PGM1: variants seen among roughly 807,000 people sequenced by gnomAD.
PGM1 encodes phosphoglucomutase-1.
A neutral mutation model predicts 55.6 loss-of-function variants in PGM1; 52 were observed. The ratio of observed to expected loss-of-function variants is 0.94; its 90% CI spans 0.75 to 1.18. The LOEUF (loss-of-function observed/expected upper bound fraction) is 1.18, where lower values mean the gene tolerates loss of function less well. Among genes scored for constraint, PGM1 ranks in the 50% most tolerant of loss-of-function variants. PGM1 has a pLI of 0.00. For missense variants in PGM1, 724 were observed against 729.3 expected (o/e 0.99, Z 0.08); for synonymous variants, 287 against 271.7 (o/e 1.06, Z -0.55).
At chr1:63,598,173 C>T (rs1395648134) in intron 1 of PGM1, among the ~76,000 whole-genome samples, 1 of 152,092 alleles carries the variant, frequency 6.6e-6, no homozygotes, top group African/African-American at 2.4e-5. Flanking sequence ...GGGGTTTCAC[C>T]AAGTTGCCCA....
intron 6 of PGM1, among the ~76,000 whole-genome samples, chr1:63,638,241 C>T (rs1030429349): frequency 6.6e-6 from 1 of 152,176 alleles, no homozygotes; most frequent in African/African-American, 2.4e-5. Context: ...TGTCTGATCA[C>T]ATAACATTCT....
intron 7 of PGM1, among the ~76,000 whole-genome samples, chr1:63,639,273 G>A (rs1409652648): frequency 6.6e-6 from 1 of 152,140 alleles, no homozygotes; most frequent in Non-Finnish European, 1.5e-5. Flanking sequence ...CTAAATGAAG[G>A]AAGACCATGA....
intron 10 of PGM1, among the ~76,000 whole-genome samples, chr1:63,658,507 C>G (rs1451611048): frequency 6.6e-6 from 1 of 151,616 alleles, no homozygotes; most frequent in Non-Finnish European, 1.5e-5. Flanking sequence ...AATCCCAACA[C>G]TTTGGGAGGC....
In PGM1 at chr1:63,658,422, G is replaced by T. The variant is rs575780105; in HGVS notation, c.1600-1164G>T. Among the ~76,000 whole-genome samples the T allele has an allele frequency of 4.9e-5, 7 of 143,884 alleles. No homozygotes were observed. In the East Asian group the frequency reaches 1.4e-3, roughly 29 times the overall value. The allele number at this position is 143,884 out of a possible 152,430, so 94.4% of individuals were successfully genotyped here. ...CTTTTTTTTTTTTTTCTTTAAGCGA[G>T]AAGTAGATGTGGGGAGGGGTTGTTG... On this transcript the variant is annotated intron_variant, in intron 10 of 10. Transcript: ENST00000371084.
At position 63,629,404 on chromosome 1, in the gene PGM1, GT is replaced by G; in HGVS notation, c.247-19del. The G allele has an allele frequency of 6.2e-7, 1 of 1,610,210 alleles. No homozygotes were observed. Among genetic ancestry groups the G allele is most frequent in the African/African-American group, 1.3e-5 (1 of 74,892 alleles). On this transcript the variant is annotated intron_variant, in intron 1 of 10. Transcript: ENST00000371084. ...TGGATGTATTGATGTTAAAGAGTGT[GT>G]TCTGGATTTCTTCTCCTAGATCGGT...
chr1:63,636,467 C>T (rs895667910), intron 6 of PGM1, 79 bp downstream of exon 6: 68 of 1,375,784 alleles, frequency 4.9e-5, no homozygotes, highest in Non-Finnish European at 6.2e-5. Flanking sequence ...GCCTGGAACA[C>T]GTGTCCTTCC....
chr1:63,651,766 T>G lies in PGM1; in HGVS notation c.1378T>G (p.Ser460Ala). Residue 460 changes from serine (S) to alanine (A), a missense_variant, in exon 9 of 11, where the codon TCA becomes GCA. Ser to Ala is a moderately conservative substitution (Grantham distance 99). Coordinates refer to ENST00000371084, the MANE Select transcript of PGM1 (RefSeq NM_002633.3). ...TCGCTCCTTTGTGGGGAAGCAGTTC[T>G]CAGCAAATGACAAAGTTTACACTGT... ...FDRSFVGKQF[S>A]ANDKVYTVEK... 5.0e-6 allele frequency: 8 copies of G among 1,613,942 alleles called. No individual in the cohort carries two copies. Among genetic ancestry groups the G allele is most frequent in the Non-Finnish European group, 6.8e-6 (8 of 1,179,870 alleles).
In PGM1 at chr1:63,634,908, G is replaced by A; in HGVS notation, c.762G>A (p.Leu254=). 1 of 1,613,934 alleles carries A rather than the reference G, an allele frequency of 6.2e-7. No individual in the cohort carries two copies. The highest frequency in any genetic ancestry group is 8.5e-7 in the Non-Finnish European group (1 of 1,179,956). The stretch of plus-strand genomic sequence containing the variant: ...ACTCGGCAGTTAACTGCGTTCCTCT[G>A]GAGGACTTTGGAGGCCACCACCCTG... ...PANSAVNCVP[L]EDFGGHHPDP... Residue 254 remains leucine, a synonymous_variant, in exon 5 of 11, where the codon CTG becomes CTA. Coordinates refer to ENST00000371084, the MANE Select transcript of PGM1 (RefSeq NM_002633.3).
intron 1 of PGM1, among the ~76,000 whole-genome samples, chr1:63,628,284 C>A (rs1649092207): frequency 6.6e-6 from 1 of 152,070 alleles, no homozygotes; most frequent in Admixed American, 6.6e-5. Context: ...AGGATATAAC[C>A]AATATATTAG....
rs1252934422 is a variant in PGM1, at chr1:63,627,063, C to CACA, written c.247-2362_247-2361insACA. On this transcript the variant is annotated intron_variant, in intron 1 of 10. Transcript: ENST00000371084. ...GTGGCATATGGCAGGACCCCCCCCC[C>CACA]CCCACACACACACACACTTTTAAGG... Among the ~76,000 whole-genome samples the CACA allele has an allele frequency of 1.0e-3, 130 of 125,214 alleles. 1 individual carries two copies. The highest frequency in any genetic ancestry group is 4.1e-3 in the African/African-American group (126 of 30,900). The allele number at this position is 125,214 out of a possible 152,430, so 82.1% of individuals were successfully genotyped here.
At chr1:63,635,824 T>C (rs1422245698) in intron 5 of PGM1, among the ~76,000 whole-genome samples, 6 of 152,182 alleles carry the variant, frequency 3.9e-5, no homozygotes, top group Non-Finnish European at 8.8e-5. Flanking sequence ...CAGACTGTGG[T>C]ACACAGTTTA....
intron 1 of PGM1, among the ~76,000 whole-genome samples, chr1:63,613,531 C>T (rs2100968739): frequency 6.6e-6 from 1 of 151,994 alleles, no homozygotes; most frequent in East Asian, 1.9e-4. Flanking sequence ...GGCATTCTTC[C>T]CTATGTATCT....
Position 63,615,510 on chromosome 1 carries a change from CAGA to C in PGM1, c.247-13913_247-13911del, listed in dbSNP as rs199578011. On this transcript the variant is annotated intron_variant, in intron 1 of 10. Transcript: ENST00000371084. ...AAAATGATCTTAATAATGAGACAGA[CAGA>C]AAATAACCTCACCATTTCTCTCCTC... 5.2e-4 allele frequency among the ~76,000 whole-genome samples: 74 copies of C among 141,832 alleles called. No individual in the cohort carries two copies. The East Asian group carries it at 0.016, about 31-fold the overall frequency. 93.0% of individuals were successfully genotyped at this position (141,832 alleles called of 152,430 possible).
At chr1:63,643,330 T>C (rs1269589905) in intron 7 of PGM1, among the ~76,000 whole-genome samples, 1 of 152,260 alleles carries the variant, frequency 6.6e-6, no homozygotes, top group Non-Finnish European at 1.5e-5. Flanking sequence ...TATCTTCTTA[T>C]GTGCTTGGTA....
intron 5 of PGM1, 63 bp downstream of exon 5, chr1:63,635,082 A>G: frequency 7.0e-7 from 1 of 1,420,524 alleles, no homozygotes; most frequent in Middle Eastern, 2.1e-4. Flanking sequence ...CAGATGGGGA[A>G]AAAAGTGGGC....
chr1:63,657,599 T>C (rs1650001344), intron 10 of PGM1, among the ~76,000 whole-genome samples: 1 of 152,206 alleles, frequency 6.6e-6, no homozygotes, highest in South Asian at 2.1e-4. Flanking sequence ...CCCCCAAAAC[T>C]AAAACTCTGT....
chr1:63,647,296 A>ATATATATATATATATGTG (rs1649682289), intron 7 of PGM1, among the ~76,000 whole-genome samples: 1 of 113,456 alleles, frequency 8.8e-6, no homozygotes, highest in African/African-American at 3.1e-5. Flanking sequence ...ATATATATAT[A>ATATATATATATATATGTG]TATATATATA....
intron 1 of PGM1, among the ~76,000 whole-genome samples, chr1:63,600,769 C>T (rs774805955): frequency 1.3e-5 from 2 of 152,118 alleles, no homozygotes; most frequent in Admixed American, 6.5e-5. Flanking sequence ...CACATATAAT[C>T]ATTTAATGTT....
intron 6 of PGM1, among the ~76,000 whole-genome samples, 174 bp from the exon 7 acceptor site, chr1:63,638,511 G>A (rs568639352): frequency 1.5e-4 from 23 of 151,998 alleles, no homozygotes; most frequent in South Asian, 4.2e-4. Flanking sequence ...ACATATAATA[G>A]CCCATTGTGC....
Sources: gnomAD v4.1 joint callset for allele counts (sites outside exome capture counted in the v4.1 genomes callset) on GRCh38, gnomAD v4.1.1 for gene constraint, MANE v1.5 for transcripts, NCBI Gene and HGNC (gene_info 2026-07-23, HGNC 2026-07-21) for gene names.